Variants in NLRP5 observed in about 807,000 individuals in gnomAD.
The protein encoded by NLRP5 is NLR family pyrin domain containing 5, also known as NACHT, LRR and PYD domains-containing protein 5.
In NLRP5, 93 loss-of-function variants were observed where a neutral mutation model predicts 113.1. That is an observed-to-expected ratio of 0.82 (90% CI 0.70 to 0.98). The LOEUF (loss-of-function observed/expected upper bound fraction) is 0.98. Among genes scored for constraint, NLRP5 ranks in the 50% least tolerant of loss-of-function variants. NLRP5 has a pLI of 0.00. For missense variants in NLRP5, 1,808 were observed against 1,514.3 expected, an observed-to-expected ratio of 1.19 and a Z score of -3.22; for synonymous variants, 751 against 600.7, an observed-to-expected ratio of 1.25 and a Z score of -3.66.
In NLRP5 at chr19:56,032,761, C is replaced by T; in HGVS notation, c.2427C>T (p.Thr809=). Reference sequence around the variant, plus strand: ...TGTGTGCCAAGCTGAGGCATCCCACCTGCAAGATACAGACCCTGATGTAAG... The same window carrying T: ...TGTGTGCCAAGCTGAGGCATCCCACTTGCAAGATACAGACCCTGATGTAAG... Residue 809 remains threonine, a synonymous_variant, in exon 8 of 15, where the codon ACC becomes ACT. Transcript: ENST00000390649. 6.2e-7 allele frequency: 1 copy of T among 1,611,464 alleles called. No individual in the cohort carries two copies. Among genetic ancestry groups the T allele is most frequent in the Non-Finnish European group, 8.5e-7 (1 of 1,179,354 alleles).
chr19:56,000,268 T>G (rs552949603), intron 1 of NLRP5, among the ~76,000 whole-genome samples: 1 of 152,342 alleles, frequency 6.6e-6, no homozygotes, highest in South Asian at 2.1e-4. Context: ...ACCTCGCCAC[T>G]CTTTTCAGAG....
In NLRP5 at chr19:56,007,380, T is replaced by G. The variant is rs116953663; in HGVS notation, c.443-1408T>G. Among the ~76,000 whole-genome samples, 950 of 147,306 alleles carry G rather than the reference T, an allele frequency of 6.4e-3. 5 individuals are homozygous for G. Among genetic ancestry groups the G allele is most frequent in the Non-Finnish European group, 0.011 (718 of 67,130 alleles). On this transcript the variant is annotated intron_variant, in intron 2 of 14. Transcript: ENST00000390649. ...CTGTCTTTTTTTTTTTTATAGAAAG[T>G]CTTACAGTTCCTATTCCAGATGAGA...
At chr19:56,044,630 A>G (rs1046618703) in intron 11 of NLRP5, among the ~76,000 whole-genome samples, 2 of 152,086 alleles carry the variant, frequency 1.3e-5, no homozygotes, top group African/African-American at 4.8e-5. Flanking sequence ...TTATAGTTTG[A>G]AATCAGGTAG....
chr19:56,013,163 C>A (rs1011647875), intron 3 of NLRP5, among the ~76,000 whole-genome samples: 1 of 152,050 alleles, frequency 6.6e-6, no homozygotes, highest in Non-Finnish European at 1.5e-5. Context: ...TATTGTGTGA[C>A]TGGCTTTCTT....
chr19:55,992,851 G>A, the NLRP5 span, among the ~76,000 whole-genome samples: 1 of 53,902 alleles, frequency 1.9e-5, no homozygotes, highest in South Asian at 5.8e-4. Context: ...CATATTTATG[G>A]AGACTTTTTT....
intron 13 of NLRP5, among the ~76,000 whole-genome samples, chr19:56,057,263 G>A (rs541583579): frequency 1.7e-4 from 26 of 152,216 alleles, no homozygotes; most frequent in South Asian, 4.2e-4. Context: ...AGCAGCTTAC[G>A]GATTTTGACA....
chr19:56,047,347 CT>C (rs1412363971), intron 11 of NLRP5, among the ~76,000 whole-genome samples: 2 of 152,156 alleles, frequency 1.3e-5, no homozygotes, highest in Non-Finnish European at 2.9e-5. Flanking sequence ...AGTTGATGCT[CT>C]TTCAGCCTTT....
chr19:56,017,949 A>G (rs144989323), intron 4 of NLRP5, among the ~76,000 whole-genome samples: 5 of 152,252 alleles, frequency 3.3e-5, no homozygotes, highest in African/African-American at 1.2e-4. Flanking sequence ...TAGTAGCTGT[A>G]TTTTTTAATA....
intron 9 of NLRP5, among the ~76,000 whole-genome samples, chr19:56,035,600 A>G (rs1466627219): frequency 6.6e-6 from 1 of 152,232 alleles, no homozygotes; most frequent in African/African-American, 2.4e-5. Context: ...GAAGTCACTT[A>G]GGTCCAGTTT....
chr19:56,032,142 C>G (rs1332804769), intron 7 of NLRP5, among the ~76,000 whole-genome samples: 1 of 151,988 alleles, frequency 6.6e-6, no homozygotes, highest in African/African-American at 2.4e-5. Context: ...ATCAGGAGTT[C>G]GAGACCATCC....
chr19:56,061,463 CG>C lies in NLRP5; in HGVS notation c.3539del (p.Arg1180GlnfsTer3). 6.2e-7 allele frequency: 1 copy of C among 1,613,940 alleles called. No homozygotes were observed. The highest frequency in any genetic ancestry group is 8.5e-7 in the Non-Finnish European group (1 of 1,179,852). ...GGAGGAAGTGCAGCTACTCAAGCCC[CG>C]AGTCGTAATTGACGGTAGTTGGCAT... On this transcript the variant is annotated frameshift_variant, in exon 15 of 15. Transcript: ENST00000390649. LOFTEE classifies it low-confidence loss of function (END_TRUNC).
Position 56,008,833 on chromosome 19 carries a change from C to A in NLRP5, c.488C>A (p.Pro163Gln). 1.2e-6 allele frequency: 2 copies of A among 1,612,508 alleles called. No individual in the cohort carries two copies. Among genetic ancestry groups the A allele is most frequent in the Non-Finnish European group, 1.7e-6 (2 of 1,179,328 alleles). The change falls in exon 3 of 15, where the codon CCA becomes CAA. Residue 163 changes from proline (P) to glutamine (Q), a missense_variant. Physicochemically the swap from Pro to Gln is moderately conservative, Grantham distance 76 (BLOSUM62 -1). Coordinates refer to ENST00000390649, the MANE Select transcript of NLRP5 (RefSeq NM_153447.4). ...GAAGCAACGATGACTGACCAAGGAC[C>A]AAGCAAGGAAAAAGTGCCAGGTTAG...
chr19:55,998,700 ATATGTG>A (rs1426401272), upstream of NLRP5, among the ~76,000 whole-genome samples: 69 of 89,512 alleles, frequency 7.7e-4, 1 homozygote, highest in African/African-American at 3.2e-3. Flanking sequence ...ATATATATAT[ATATGTG>A]TGTGTGTGTA....
intron 2 of NLRP5, among the ~76,000 whole-genome samples, chr19:56,007,918 T>TTCCAAA (rs1982004111): frequency 1.3e-5 from 1 of 75,666 alleles, no homozygotes; most frequent in African/African-American, 4.1e-5. Context: ...TGTGTGTGTG[T>TTCCAAA]GTGTGTGTGT....
intron 9 of NLRP5, among the ~76,000 whole-genome samples, chr19:56,034,278 C>T (rs937099071): frequency 2.6e-5 from 4 of 152,216 alleles, no homozygotes; most frequent in African/African-American, 9.6e-5. Flanking sequence ...CCCAGCTACT[C>T]GGGAGGCTGA....
intron 7 of NLRP5, among the ~76,000 whole-genome samples, chr19:56,031,592 C>T (rs1415030911): frequency 6.9e-6 from 1 of 145,796 alleles, no homozygotes; most frequent in African/African-American, 2.6e-5. Flanking sequence ...GATCATGCCA[C>T]TGCACTCCAG....
At chr19:56,052,271 TTC>T (rs886527879) in intron 12 of NLRP5, among the ~76,000 whole-genome samples, 5 of 152,006 alleles carry the variant, frequency 3.3e-5, no homozygotes, top group East Asian at 1.9e-4. Context: ...TTGTTTTTGT[TTC>T]TGTTTTTGTT....
intron 13 of NLRP5, among the ~76,000 whole-genome samples, chr19:56,055,591 G>A (rs1337373275): frequency 1.6e-5 from 2 of 121,988 alleles, no homozygotes; most frequent in African/African-American, 6.2e-5. Context: ...TGTCCCCCAG[G>A]CTGGAGTGCA....
the NLRP5 span, among the ~76,000 whole-genome samples, chr19:55,987,561 G>A: frequency 6.6e-6 from 1 of 152,154 alleles, no homozygotes; most frequent in African/African-American, 2.4e-5. Context: ...TACCAAGGGA[G>A]GAAGCTGAGC....
Sources: gnomAD v4.1 joint callset for allele counts (sites outside exome capture counted in the v4.1 genomes callset) on GRCh38, gnomAD v4.1.1 for gene constraint, MANE v1.5 for transcripts, NCBI Gene and HGNC (gene_info 2026-07-23, HGNC 2026-07-21) for gene names.